Variants in KIF13B observed in about 807,000 individuals in gnomAD.
The protein encoded by KIF13B is kinesin-like protein KIF13B.
In KIF13B, 127 loss-of-function variants were observed where a neutral mutation model predicts 222.0. That is an observed-to-expected ratio of 0.57 (90% confidence interval 0.50 to 0.66). The LOEUF (loss-of-function observed/expected upper bound fraction) is 0.66. KIF13B is among the 30% of genes least tolerant of loss of function. The pLI is 0.00. For synonymous variants in KIF13B, 976 were observed against 919.0 expected, an observed-to-expected ratio of 1.06 and a Z score of -1.12; for missense variants, 2,173 against 2,379.0, an observed-to-expected ratio of 0.91 and a Z score of 1.80.
chr8:29,085,620 C>T (rs1208455354), intron 37 of KIF13B, among the ~76,000 whole-genome samples: 1 of 151,312 alleles, frequency 6.6e-6, no homozygotes. Context: ...GATCTGCCTG[C>T]CTTGGCCTCC....
In KIF13B at chr8:29,196,612, T is replaced by C. The variant is rs543964974; in HGVS notation, c.150-413A>G. On this transcript the variant is annotated intron_variant, in intron 2 of 39. Transcript: ENST00000524189. ...GAAAAAGCAACAGATTACTCTCTTATCTGTACAGGCTCCTCTACAAAACAA... is the reference window on the plus strand; with the variant it reads ...GAAAAAGCAACAGATTACTCTCTTACCTGTACAGGCTCCTCTACAAAACAA... Among the ~76,000 whole-genome samples the C allele has an allele frequency of 4.6e-5, 7 of 152,348 alleles. No individual in the cohort carries two copies. The East Asian group carries it at 1.2e-3, about 25-fold the overall frequency.
At chr8:29,172,406 A>G (rs1169051161) in intron 10 of KIF13B, among the ~76,000 whole-genome samples, 1 of 152,164 alleles carries the variant, frequency 6.6e-6, no homozygotes, top group Non-Finnish European at 1.5e-5. Context: ...TTAAGGAAAA[A>G]GATAATGACA....
In KIF13B at chr8:29,071,088, T is replaced by G. The variant is rs1586735382; in HGVS notation, c.5219-322A>C. 1.3e-5 allele frequency among the ~76,000 whole-genome samples: 2 copies of G among 152,296 alleles called. No homozygotes were observed. Among genetic ancestry groups the G allele is most frequent in the East Asian group, 3.9e-4 (2 of 5,168 alleles). On this transcript the variant is annotated intron_variant, in intron 39 of 39. Transcript: ENST00000524189. The surrounding 1 kb of genome is among the most constrained non-coding windows in gnomAD (Gnocchi z 4.9). ...GGAAGCATAGGTGCAGGCCAGCCAC[T>G]AAGGCACAACCGGCCCGCCTCGTGC...
rs1811065703 is a variant in KIF13B, at chr8:29,146,519, G to GC, written c.2045dup (p.Ser682ArgfsTer11). The GC allele has an allele frequency of 6.2e-7, 1 of 1,613,630 alleles. No homozygotes were observed. Among genetic ancestry groups the GC allele is most frequent in the South Asian group, 1.1e-5 (1 of 91,052 alleles). On this transcript the variant is annotated frameshift_variant, in exon 18 of 40. Transcript: ENST00000524189. LOFTEE classifies it high-confidence loss of function. The stretch of plus-strand genomic sequence containing the variant: ...CAATTTGTTCCCTCAGCCTCATCAG[G>GC]CTGTTATTCAACGTTGCTTCTCTAA...
At chr8:29,203,182 C>A (rs190554058) in intron 2 of KIF13B, among the ~76,000 whole-genome samples, 105 of 152,304 alleles carry the variant, frequency 6.9e-4, no homozygotes, top group African/African-American at 2.5e-3. Context: ...GCTTATTCTG[C>A]AAATATTTCT....
chr8:29,148,878 G>A, intron 15 of KIF13B, 111 bp from the exon 16 acceptor site: 2 of 765,900 alleles, frequency 2.6e-6, no homozygotes, highest in East Asian at 2.6e-5. Flanking sequence ...GTAAGTACAA[G>A]GCAATTACTG....
intron 36 of KIF13B, among the ~76,000 whole-genome samples, chr8:29,097,287 A>G (rs570501746): frequency 3.3e-5 from 4 of 122,608 alleles, no homozygotes; most frequent in African/African-American, 5.4e-5. Context: ...GTGTTATATC[A>G]GGAAGATATA....
chr8:29,187,960 C>G (rs1813015163), intron 5 of KIF13B, among the ~76,000 whole-genome samples: 1 of 152,194 alleles, frequency 6.6e-6, no homozygotes, highest in South Asian at 2.1e-4. Flanking sequence ...GGAGCTGTCG[C>G]CGCCTGGCCC....
chr8:29,170,522 G>A (rs993222635), intron 10 of KIF13B, among the ~76,000 whole-genome samples: 1 of 152,178 alleles, frequency 6.6e-6, no homozygotes, highest in African/African-American at 2.4e-5. Flanking sequence ...GGTTAAGGAA[G>A]ACTCTCACAG....
At chr8:29,123,900 C>G (rs1202146572) in intron 27 of KIF13B, 124 bp downstream of exon 27, 2 of 650,458 alleles carry the variant, frequency 3.1e-6, no homozygotes, top group African/African-American at 3.7e-5. Flanking sequence ...TAACACTCAT[C>G]TGCTCCTGCC....
intron 14 of KIF13B, among the ~76,000 whole-genome samples, chr8:29,154,561 C>T (rs1811432980): frequency 6.6e-6 from 1 of 152,114 alleles, no homozygotes; most frequent in Admixed American, 6.5e-5. Flanking sequence ...TTCACAAAAT[C>T]GTATCCATGG....
At position 29,160,828 on chromosome 8, in the gene KIF13B, G is replaced by T. The variant is rs1189805051; in HGVS notation, c.1309C>A (p.Gln437Lys). The T allele has an allele frequency of 5.0e-6, 8 of 1,613,452 alleles. No individual in the cohort carries two copies. The highest frequency in any genetic ancestry group is 5.9e-6 in the Non-Finnish European group (7 of 1,179,474). ...TCCCCAACTTTGATTCCCGAAGACTGAAGAGATATTCCAAGACTCTCAAGC... is the reference window on the plus strand; with the variant it reads ...TCCCCAACTTTGATTCCCGAAGACTTAAGAGATATTCCAAGACTCTCAAGC... Reference protein sequence around the residue: ...KQLESLGISLQSSGIKVGDDK... With the variant: ...KQLESLGISLKSSGIKVGDDK... The change falls in exon 13 of 40, where the codon CAG becomes AAG. Residue 437 changes from glutamine to lysine, a missense_variant. Physicochemically the swap from Gln to Lys is moderately conservative, Grantham distance 53. Coordinates refer to ENST00000524189, the MANE Select transcript of KIF13B (RefSeq NM_015254.4).
At position 29,075,280 on chromosome 8, in the gene KIF13B, C is replaced by A. The variant is rs768021794; in HGVS notation, c.4521+1G>T. Reference sequence around the variant, plus strand: ...GGCCACCCGTGACCCAACAGACTCACCTCCTCCATCCTGGTCACCCTGATG... The same window carrying A: ...GGCCACCCGTGACCCAACAGACTCAACTCCTCCATCCTGGTCACCCTGATG... On this transcript the variant is annotated splice_donor_variant, in intron 38 of 39. Coordinates refer to ENST00000524189, the MANE Select transcript of KIF13B (RefSeq NM_015254.4). LOFTEE classifies it high-confidence loss of function. 1.3e-6 allele frequency: 2 copies of A among 1,554,868 alleles called. No individual in the cohort carries two copies. Among genetic ancestry groups the A allele is most frequent in the East Asian group, 2.4e-5 (1 of 41,200 alleles).
At chr8:29,183,456 C>A (rs528371396) in intron 6 of KIF13B, among the ~76,000 whole-genome samples, 4 of 152,028 alleles carry the variant, frequency 2.6e-5, no homozygotes, top group East Asian at 1.9e-4. Flanking sequence ...CCAACCAATG[C>A]GTCAAGTTTT....
chr8:29,168,318 C>T (rs1173244806), intron 10 of KIF13B, among the ~76,000 whole-genome samples: 2 of 152,208 alleles, frequency 1.3e-5, no homozygotes, highest in Admixed American at 6.5e-5. Context: ...ACCACCCTCA[C>T]TTGAGAACAT....
At chr8:29,176,886 C>G (rs558515918) in intron 9 of KIF13B, among the ~76,000 whole-genome samples, 1 of 152,084 alleles carries the variant, frequency 6.6e-6, no homozygotes, top group East Asian at 1.9e-4. Flanking sequence ...AATATTACTT[C>G]GTAAAGTCTT....
chr8:29,175,312 C>G (rs1812427882), intron 10 of KIF13B, among the ~76,000 whole-genome samples: 1 of 152,130 alleles, frequency 6.6e-6, no homozygotes, highest in African/African-American at 2.4e-5. Flanking sequence ...TTTCACCAGA[C>G]TCCTATTACA....
At chr8:29,170,424 G>A (rs1812187634) in intron 10 of KIF13B, among the ~76,000 whole-genome samples, 1 of 152,144 alleles carries the variant, frequency 6.6e-6, no homozygotes, top group Admixed American at 6.5e-5. Context: ...GGAGGATGCT[G>A]GTAAGTAATA....
At chr8:29,122,085 T>C (rs954970387) in intron 29 of KIF13B, among the ~76,000 whole-genome samples, 6 of 152,068 alleles carry the variant, frequency 3.9e-5, no homozygotes, top group Non-Finnish European at 8.8e-5. Flanking sequence ...AAACCCCGTC[T>C]CTACTAAAAA....
Sources: gnomAD v4.1 joint callset for allele counts (sites outside exome capture counted in the v4.1 genomes callset) on GRCh38, gnomAD v4.1.1 for gene constraint, Gnocchi (gnomAD v3.1) non-coding constraint, MANE v1.5 for transcripts, NCBI Gene and HGNC (gene_info 2026-07-23, HGNC 2026-07-21) for gene names.